Variants in MAEA observed in about 807,000 individuals in gnomAD.
The protein encoded by MAEA is E3 ubiquitin-protein transferase MAEA.
Under a neutral mutation model 46.2 loss-of-function variants are expected in MAEA, and 22 were observed. The ratio of observed to expected loss-of-function variants is 0.48; its 90% CI spans 0.34 to 0.68. The LOEUF is 0.68. Among genes scored for constraint, MAEA ranks in the 30% least tolerant of loss-of-function variants. The probability of loss-of-function intolerance (pLI) is 0.01; values close to 1 mark genes in which losing one functional copy is unlikely to be tolerated. For synonymous variants in MAEA, 246 were observed against 222.6 expected (o/e 1.11, Z -0.94); for missense variants, 393 against 558.1 (o/e 0.70, Z 2.98).
chr4:1,329,221 C>T (rs1282722262), intron 5 of MAEA: 3 of 985,580 alleles, frequency 3.0e-6, no homozygotes, highest in Admixed American at 6.1e-5. Context: ...CGCATAGGGT[C>T]TATTTGCCTG....
chr4:1,291,211 G>C (rs1175664705), intron 1 of MAEA, among the ~76,000 whole-genome samples: 1 of 152,136 alleles, frequency 6.6e-6, no homozygotes, highest in Non-Finnish European at 1.5e-5. Context: ...GCCTAGGGTG[G>C]TTTTGGATTC....
At chr4:1,317,311 C>T (rs1239472920) in intron 3 of MAEA, among the ~76,000 whole-genome samples, 2 of 144,178 alleles carry the variant, frequency 1.4e-5, no homozygotes, top group East Asian at 2.1e-4. Context: ...CCCCACACTC[C>T]AGACTCACCC....
chr4:1,308,330 G>A (rs1249946835), intron 1 of MAEA, among the ~76,000 whole-genome samples: 32 of 152,198 alleles, frequency 2.1e-4, no homozygotes, highest in Non-Finnish European at 7.3e-5. Flanking sequence ...GTTATGTGGT[G>A]TGTGACTGCC....
At chr4:1,298,002 C>T (rs1315926644) in intron 1 of MAEA, 3 of 456,142 alleles carry the variant, frequency 6.6e-6, no homozygotes, top group Non-Finnish European at 1.3e-5. Flanking sequence ...CTGCACTGGC[C>T]ACAGAAGCCG....
At position 1,335,064 on chromosome 4, in the gene MAEA, T is replaced by C. The variant is rs1480245907; in HGVS notation, c.766-1797T>C. 3 of 985,248 alleles carry C rather than the reference T, an allele frequency of 3.0e-6. No individual in the cohort carries two copies. The African/African-American group carries it at 5.2e-5, about 17-fold the overall frequency. 61.0% of individuals were successfully genotyped at this position (985,248 alleles called of 1,614,324 possible). On this transcript the variant is annotated intron_variant, in intron 6 of 8. Coordinates refer to ENST00000303400, the MANE Select transcript of MAEA (RefSeq NM_001017405.3). ...CCCCAAGCTAGAGACTGAGCGGCCT[T>C]TCTGGGTTGATGTGAAGGTTTTTCT...
At chr4:1,314,058 T>C (rs1417633213) in intron 2 of MAEA, among the ~76,000 whole-genome samples, 3 of 152,294 alleles carry the variant, frequency 2.0e-5, no homozygotes, top group Middle Eastern at 3.4e-3. Flanking sequence ...GCAGGCACAG[T>C]GGCTCACGCC....
chr4:1,329,922 C>T (rs1404677408), intron 5 of MAEA: 1 of 985,572 alleles, frequency 1.0e-6, no homozygotes, highest in East Asian at 1.1e-4. Flanking sequence ...AACTCACGGT[C>T]CACATGGCGC....
intron 5 of MAEA, among the ~76,000 whole-genome samples, chr4:1,328,046 G>A (rs1055249097): frequency 1.3e-5 from 2 of 152,334 alleles, no homozygotes; most frequent in Middle Eastern, 3.4e-3. Context: ...GGAAAGTGCC[G>A]CCAGCCTCAG....
chr4:1,315,611 G>C lies in MAEA; in HGVS notation c.456+11G>C. On this transcript the variant is annotated intron_variant, in intron 3 of 8. Transcript: ENST00000303400. ...CAGAGCGGCATCGAGGTGGGTGCCCGCCAGACGCAGGCACAGCGCCCCAGC... is the reference window on the plus strand; with the variant it reads ...CAGAGCGGCATCGAGGTGGGTGCCCCCCAGACGCAGGCACAGCGCCCCAGC... The C allele has an allele frequency of 6.2e-7, 1 of 1,611,768 alleles. No individual in the cohort carries two copies. Among genetic ancestry groups the C allele is most frequent in the Non-Finnish European group, 8.5e-7 (1 of 1,179,054 alleles).
intron 6 of MAEA, among the ~76,000 whole-genome samples, chr4:1,334,462 G>C (rs1007432558): frequency 6.6e-6 from 1 of 152,192 alleles, no homozygotes; most frequent in Non-Finnish European, 1.5e-5. Context: ...ATCTTCAGGG[G>C]TGGGGTCTGA....
rs568366640 is a variant in MAEA at position 1,293,454 on chromosome 4, T to C, written c.69+3472T>C. Among the ~76,000 whole-genome samples, 3 of 152,328 alleles carry C rather than the reference T, an allele frequency of 2.0e-5. No individual in the cohort carries two copies. The South Asian group carries it at 6.2e-4, about 32-fold the overall frequency. On this transcript the variant is annotated intron_variant, in intron 1 of 8. Transcript: ENST00000303400. The stretch of plus-strand genomic sequence containing the variant: ...AGTTACCCTGCTGCACAGAGAGAAC[T>C]TCATTAACATTTTGGTGTATTTACT...
intron 7 of MAEA, 89 bp downstream of exon 7, chr4:1,337,083 CTT>C: frequency 6.8e-7 from 1 of 1,474,602 alleles, no homozygotes; most frequent in Non-Finnish European, 9.3e-7. Flanking sequence ...CCTTGCCACT[CTT>C]GTCCTCCCAC....
At chr4:1,329,831 C>T (rs563508682) in intron 5 of MAEA, 1 of 985,546 alleles carries the variant, frequency 1.0e-6, no homozygotes, top group Admixed American at 6.1e-5. Context: ...AGCCTGGCCA[C>T]ATGTCTCCTG....
In MAEA at chr4:1,318,283, G is replaced by C. The variant is rs1737567328; in HGVS notation, c.456+2683G>C. Among the ~76,000 whole-genome samples, 4 of 152,316 alleles carry C rather than the reference G, an allele frequency of 2.6e-5. No homozygotes were observed. The South Asian group carries it at 8.3e-4, about 32-fold the overall frequency. On this transcript the variant is annotated intron_variant, in intron 3 of 8. Coordinates refer to ENST00000303400, the MANE Select transcript of MAEA (RefSeq NM_001017405.3). ...AACCTGGCGGTGGCTGCTGAAGCAT[G>C]AGCTGTGGGTGCCCCTGGCCCCAGG...
At chr4:1,309,719 CCCTCCCCGG>C in intron 1 of MAEA, 1 of 1,520,934 alleles carries the variant, frequency 6.6e-7, no homozygotes, top group Non-Finnish European at 8.8e-7. Flanking sequence ...CCCGGTGAGC[CCCTCCCCGG>C]CCTCCTTCAT....
chr4:1,335,160 G>A (rs892733265), intron 6 of MAEA: 2 of 985,442 alleles, frequency 2.0e-6, no homozygotes, highest in African/African-American at 3.5e-5. Flanking sequence ...CATTCATCAG[G>A]TTTAATTTTC....
At chr4:1,301,558 C>G (rs935955083) in intron 1 of MAEA, among the ~76,000 whole-genome samples, 1 of 152,136 alleles carries the variant, frequency 6.6e-6, no homozygotes, top group African/African-American at 2.4e-5. Context: ...AATACCAAGC[C>G]AGGCACAGCG....
intron 1 of MAEA, chr4:1,298,197 T>TCTGTCGCCTGC (rs1291240324): frequency 2.5e-6 from 1 of 404,838 alleles, no homozygotes; most frequent in African/African-American, 2.0e-5. Context: ...CTTGGCCCTG[T>TCTGTCGCCTGC]CTGTCGCCTG....
intron 3 of MAEA, among the ~76,000 whole-genome samples, chr4:1,321,708 C>T (rs893054117): frequency 5.3e-5 from 8 of 152,194 alleles, no homozygotes; most frequent in Admixed American, 1.3e-4. Context: ...ACCACCTGAG[C>T]GCTTGCCCCA....
Sources: allele counts gnomAD v4.1 joint callset (sites outside exome capture counted in the v4.1 genomes callset), GRCh38; gene constraint gnomAD v4.1.1; transcripts MANE v1.5; gene names NCBI Gene and HGNC (gene_info 2026-07-23, HGNC 2026-07-21).